Variants in TUBGCP4 observed in about 807,000 individuals in gnomAD.
TUBGCP4 encodes the protein gamma-tubulin complex component 4.
Under a neutral mutation model 91.6 loss-of-function variants are expected in TUBGCP4, and 54 were observed. That is an observed-to-expected ratio of 0.59 (90% CI 0.47 to 0.74). The LOEUF is 0.74. Ranked by LOEUF, TUBGCP4 falls within the 30% of genes least tolerant of loss-of-function variation. The pLI is 0.00. For missense variants in TUBGCP4, 593 were observed against 800.9 expected, an observed-to-expected ratio of 0.74 and a Z score of 3.13; for synonymous variants, 297 against 302.8, an observed-to-expected ratio of 0.98 and a Z score of 0.20.
At chr15:43,397,989 A>G in intron 12 of TUBGCP4, 52 bp from the exon 13 acceptor site, 1 of 1,567,108 alleles carries the variant, frequency 6.4e-7, no homozygotes, top group Non-Finnish European at 8.6e-7. Flanking sequence ...CTCTGGTTCT[A>G]GATTAACCAA....
intron 1 of TUBGCP4, among the ~76,000 whole-genome samples, chr15:43,373,598 C>A (rs2044156112): frequency 6.6e-6 from 1 of 151,334 alleles, no homozygotes; most frequent in Non-Finnish European, 1.5e-5. Context: ...AAGTAAGAGG[C>A]AACTCAGGGA....
chr15:43,405,171 C>A (rs1566906442), intron 17 of TUBGCP4, 31 bp from the exon 18 acceptor site: 1 of 1,613,772 alleles, frequency 6.2e-7, no homozygotes. Context: ...GAAAGCATGA[C>A]ACTTAATAAG....
chr15:43,385,526 C>G, intron 7 of TUBGCP4: 1 of 515,472 alleles, frequency 1.9e-6, no homozygotes, highest in East Asian at 4.1e-5. Context: ...AGCTGGTCGA[C>G]TGTGCAAGTT....
intron 7 of TUBGCP4, 137 bp from the exon 8 acceptor site, chr15:43,385,654 T>G (rs2044344933): frequency 1.2e-6 from 1 of 845,626 alleles, no homozygotes. Flanking sequence ...ATGGGTGGTT[T>G]GAGAACTGTG....
chr15:43,406,733 A>G lies in TUBGCP4; in HGVS notation c.*1519A>G. The G allele has an allele frequency of 2.5e-6, 1 of 400,796 alleles. No individual in the cohort carries two copies. Among genetic ancestry groups the G allele is most frequent in the Non-Finnish European group, 4.9e-6 (1 of 203,582 alleles). 24.8% of individuals were successfully genotyped at this position (400,796 alleles called of 1,614,324 possible). On this transcript the variant is annotated 3_prime_UTR_variant, in exon 18 of 18. Transcript: ENST00000564079. ...ATAATAATATTGGGTCTTTGACTAGAACGTGTAACATTTCCAGGTGTTCTC... is the reference window on the plus strand; with the variant it reads ...ATAATAATATTGGGTCTTTGACTAGGACGTGTAACATTTCCAGGTGTTCTC...
chr15:43,403,542 C>CA lies in TUBGCP4; in HGVS notation c.1732-140dup, dbSNP rs2044747782. ...GCGTCTGAGGGGCTGGCAGGCCTTG[C>CA]ACGTGGCAGTGTCTATCCTGTCAGA... On this transcript the variant is annotated intron_variant, in intron 15 of 17. Transcript: ENST00000564079. 9 of 632,884 alleles carry CA rather than the reference C, an allele frequency of 1.4e-5. No homozygotes were observed. The South Asian group carries it at 1.7e-4, about 12-fold the overall frequency. The allele number at this position is 632,884 out of a possible 1,614,324, so 39.2% of individuals were successfully genotyped here.
intron 9 of TUBGCP4, among the ~76,000 whole-genome samples, chr15:43,389,130 G>A (rs2044427322): frequency 6.6e-6 from 1 of 152,154 alleles, no homozygotes; most frequent in South Asian, 2.1e-4. Flanking sequence ...TCTTCAAGCT[G>A]TGAACTTACG....
At chr15:43,386,005 C>T (rs1162351952) in intron 8 of TUBGCP4, 49 bp downstream of exon 8, 1 of 1,601,460 alleles carries the variant, frequency 6.2e-7, no homozygotes, top group African/African-American at 1.3e-5. Context: ...TCTCTTCTTC[C>T]TTAATACTAT....
chr15:43,386,771 T>C (rs1014207282), intron 9 of TUBGCP4, among the ~76,000 whole-genome samples: 24 of 151,406 alleles, frequency 1.6e-4, no homozygotes, highest in African/African-American at 5.8e-4. Flanking sequence ...ACTTGACTTT[T>C]GTTTTTATCT....
Position 43,371,368 on chromosome 15 carries a change from T to C in TUBGCP4, c.14T>C (p.Leu5Pro). Residue 5 changes from leucine to proline, a missense_variant, in exon 1 of 18, where the codon CTG becomes CCG. By Grantham distance (98) the Leu-to-Pro change is moderately conservative. Transcript: ENST00000564079. MIHE[L>P]LLALSGYPGS... ...TCCGCCGTGGGAATGATCCACGAAC[T>C]GCTCTTGGCTCTGAGCGGGTACCCT... 1 of 1,613,960 alleles carries C rather than the reference T, an allele frequency of 6.2e-7. No individual in the cohort carries two copies. The highest frequency in any genetic ancestry group is 1.1e-5 in the South Asian group (1 of 91,058).
Position 43,407,224 on chromosome 15 carries a change from C to G in TUBGCP4, c.*2010C>G. On this transcript the variant is annotated 3_prime_UTR_variant, in exon 18 of 18. Coordinates refer to ENST00000564079, the MANE Select transcript of TUBGCP4 (RefSeq NM_014444.5). ...ATGAAGAAATCCCAGTTACTACAAC[C>G]AAAGAGATTCAACATTTATTTTATC... The G allele has an allele frequency of 3.1e-6, 2 of 646,292 alleles. No homozygotes were observed. The highest frequency in any genetic ancestry group is 2.8e-5 in the East Asian group (1 of 36,196). The allele number at this position is 646,292 out of a possible 1,614,324, so 40.0% of individuals were successfully genotyped here.
rs1268552575 is a variant in TUBGCP4, at chr15:43,405,967, G to C, written c.*753G>C. On this transcript the variant is annotated 3_prime_UTR_variant, in exon 18 of 18. Coordinates refer to ENST00000564079, the MANE Select transcript of TUBGCP4 (RefSeq NM_014444.5). ...AGACAGGAGAATTGCTTGAACCTGGGAAGCAGACGCTGCAGTGAGCTGAGA... is the reference window on the plus strand; with the variant it reads ...AGACAGGAGAATTGCTTGAACCTGGCAAGCAGACGCTGCAGTGAGCTGAGA... 1 of 147,050 alleles carries C rather than the reference G, an allele frequency of 6.8e-6. No homozygotes were observed. The highest frequency in any genetic ancestry group is 1.5e-5 in the Non-Finnish European group (1 of 67,440). The allele number at this position is 147,050 out of a possible 1,614,324, so 9.1% of individuals were successfully genotyped here. A position where few individuals can be genotyped will look rare whatever the true frequency, so the allele number is the denominator to read the frequency against.
rs536634158 is a variant in TUBGCP4 at position 43,400,234 on chromosome 15, A to T, written c.1596+13A>T. On this transcript the variant is annotated intron_variant, in intron 14 of 17. Coordinates refer to ENST00000564079, the MANE Select transcript of TUBGCP4 (RefSeq NM_014444.5). ...GTACTATCTCCAGGTCTGTGCTAAGAGATGAGTAGAAGGAAGGGGTACGGA... is the reference window on the plus strand; with the variant it reads ...GTACTATCTCCAGGTCTGTGCTAAGTGATGAGTAGAAGGAAGGGGTACGGA... The T allele has an allele frequency of 1.2e-5, 19 of 1,610,852 alleles. No individual in the cohort carries two copies. The South Asian group carries it at 1.9e-4, about 16-fold the overall frequency.
Position 43,407,310 on chromosome 15 carries a change from A to G in TUBGCP4, c.*2096A>G, listed in dbSNP as rs1246037857. On this transcript the variant is annotated 3_prime_UTR_variant, in exon 18 of 18. Transcript: ENST00000564079. Reference sequence around the variant, plus strand: ...CATGCAAGGAATCCAGTTACACACAAGACACATTTAAAACCTGGTTAAAAC... The same window carrying G: ...CATGCAAGGAATCCAGTTACACACAGGACACATTTAAAACCTGGTTAAAAC... 3.8e-6 allele frequency: 5 copies of G among 1,330,208 alleles called. No homozygotes were observed. In the South Asian group the frequency reaches 3.9e-5, roughly 10 times the overall value. The allele number at this position is 1,330,208 out of a possible 1,614,324, so 82.4% of individuals were successfully genotyped here. A position where few individuals can be genotyped will look rare whatever the true frequency, so the allele number is the denominator to read the frequency against.
Position 43,409,706 on chromosome 15 carries a change from T to A in TUBGCP4, c.*4492T>A. 6.4e-7 allele frequency: 1 copy of A among 1,573,534 alleles called. No individual in the cohort carries two copies. The highest frequency in any genetic ancestry group is 8.6e-7 in the Non-Finnish European group (1 of 1,162,794). ...GCTCCTGCTCGAAGCTGGGATTCTG[T>A]ATACTGCTTGTTGAAAGGAGGAATT... On this transcript the variant is annotated 3_prime_UTR_variant, in exon 18 of 18. Transcript: ENST00000564079.
intron 17 of TUBGCP4, 136 bp from the exon 18 acceptor site, chr15:43,405,066 G>T: frequency 1.0e-6 from 1 of 961,150 alleles, no homozygotes; most frequent in Non-Finnish European, 1.6e-6. Flanking sequence ...CTAAGCTATT[G>T]TAGCAGAAGA....
intron 7 of TUBGCP4, 44 bp downstream of exon 7, chr15:43,383,548 A>G (rs759416074): frequency 4.6e-6 from 7 of 1,510,342 alleles, no homozygotes; most frequent in Non-Finnish European, 4.4e-6. Context: ...GCCAGGAGTC[A>G]GAAAAGCATG....
At chr15:43,402,012 C>G in intron 15 of TUBGCP4, 162 bp downstream of exon 15, 1 of 876,594 alleles carries the variant, frequency 1.1e-6, no homozygotes, top group Non-Finnish European at 1.7e-6. Context: ...GTGGCTCATG[C>G]CTGTAATCCC....
chr15:43,377,526 C>T (rs893380555), intron 4 of TUBGCP4: 15 of 299,496 alleles, frequency 5.0e-5, no homozygotes, highest in African/African-American at 2.4e-4. Flanking sequence ...GGGAGGCTAA[C>T]GTTCTGAATC....
Sources: allele counts gnomAD v4.1 joint callset (sites outside exome capture counted in the v4.1 genomes callset), GRCh38; gene constraint gnomAD v4.1.1; transcripts MANE v1.5; gene names NCBI Gene and HGNC (gene_info 2026-07-23, HGNC 2026-07-21).